Variants in PPM1L observed in about 807,000 individuals in gnomAD.
PPM1L encodes the protein protein phosphatase 1L.
A neutral mutation model predicts 31.4 loss-of-function variants in PPM1L; 13 were observed. The observed-to-expected ratio is 0.41, with a 90% CI of 0.27 to 0.66. The LOEUF (loss-of-function observed/expected upper bound fraction) is 0.66. Among genes scored for constraint, PPM1L ranks in the 30% least tolerant of loss-of-function variants. The pLI is 0.29. For missense variants in PPM1L, 326 were observed against 453.7 expected (o/e 0.72, Z 2.56); for synonymous variants, 184 against 175.4 (o/e 1.05, Z -0.39).
chr3:161,054,490 T>G (rs1207730309), intron 2 of PPM1L, among the ~76,000 whole-genome samples: 1 of 152,072 alleles, frequency 6.6e-6, no homozygotes, highest in Non-Finnish European at 1.5e-5. Context: ...CACACTGTGG[T>G]CATTGTCGAT....
intron 2 of PPM1L, among the ~76,000 whole-genome samples, chr3:160,996,190 G>A (rs1717317020): frequency 6.6e-6 from 1 of 152,154 alleles, no homozygotes; most frequent in Non-Finnish European, 1.5e-5. Context: ...CACTGCTGGT[G>A]GGAATGTAAA....
At chr3:161,013,947 G>A (rs1717983558) in intron 2 of PPM1L, among the ~76,000 whole-genome samples, 1 of 152,144 alleles carries the variant, frequency 6.6e-6, no homozygotes, top group African/African-American at 2.4e-5. Context: ...CCTGAATATG[G>A]CACACTGATG....
rs1379412867 is a variant in PPM1L, at chr3:161,069,375, A to G, written c.*218A>G. The G allele has an allele frequency of 1.8e-6, 1 of 561,006 alleles. No homozygotes were observed. The allele number at this position is 561,006 out of a possible 1,614,324, so 34.8% of individuals were successfully genotyped here. A position where few individuals can be genotyped will look rare whatever the true frequency, so the allele number is the denominator to read the frequency against. On this transcript the variant is annotated 3_prime_UTR_variant, in exon 4 of 4. Transcript: ENST00000498165. ...GAAAATGGTTTCTTCATGTTTTCCC[A>G]ACTCTTTCATCCAGTGTCCAAAATA...
At chr3:160,850,352 G>A (rs983380406) in intron 1 of PPM1L, among the ~76,000 whole-genome samples, 3 of 152,154 alleles carry the variant, frequency 2.0e-5, no homozygotes, top group Admixed American at 2.0e-4. Context: ...AAGTCTTACT[G>A]GGATGCACTA....
At chr3:160,881,975 C>A (rs563590488) in intron 1 of PPM1L, among the ~76,000 whole-genome samples, 1 of 151,082 alleles carries the variant, frequency 6.6e-6, no homozygotes, top group Non-Finnish European at 1.5e-5. Context: ...GGTGTGAACT[C>A]GGGAAGCGGA....
At chr3:160,823,868 A>G (rs1713277556) in intron 1 of PPM1L, among the ~76,000 whole-genome samples, 1 of 152,274 alleles carries the variant, frequency 6.6e-6, no homozygotes, top group Admixed American at 6.5e-5. Context: ...GCCCTTGACA[A>G]GAATGCTGTT....
intron 2 of PPM1L, among the ~76,000 whole-genome samples, chr3:161,004,803 A>G (rs1210524362): frequency 6.6e-6 from 1 of 151,708 alleles, no homozygotes; most frequent in Non-Finnish European, 1.5e-5. Flanking sequence ...TCCTGGATTC[A>G]TTAATTTTTT....
intron 1 of PPM1L, among the ~76,000 whole-genome samples, chr3:160,779,073 A>T (rs1387909300): frequency 1.4e-5 from 2 of 146,458 alleles, no homozygotes; most frequent in African/African-American, 5.2e-5. Context: ...GTTTCCTGTT[A>T]TTACATTTTT....
At chr3:160,902,640 C>T (rs1439315129) in intron 1 of PPM1L, among the ~76,000 whole-genome samples, 1 of 152,142 alleles carries the variant, frequency 6.6e-6, no homozygotes, top group African/African-American at 2.4e-5. Context: ...CAAAACAAGG[C>T]CAGTGTTTTT....
intron 1 of PPM1L, among the ~76,000 whole-genome samples, chr3:160,810,642 C>T (rs892996989): frequency 2.0e-5 from 3 of 152,188 alleles, no homozygotes. Flanking sequence ...GTCAGCCAGC[C>T]AACTGACAGG....
intron 2 of PPM1L, among the ~76,000 whole-genome samples, chr3:160,970,793 T>TTTTTTC (rs1716308980): frequency 7.4e-6 from 1 of 134,560 alleles, no homozygotes. Flanking sequence ...TATAATTTTT[T>TTTTTTC]TTTTTTTTTT....
At chr3:160,862,806 A>ATGCTCTTTACTCTCTGCT in intron 1 of PPM1L, among the ~76,000 whole-genome samples, 1 of 152,284 alleles carries the variant, frequency 6.6e-6, no homozygotes, top group East Asian at 1.9e-4. Context: ...GGGGGAAAAA[A>ATGCTCTTTACTCTCTGCT]GCTTTAATAA....
intron 2 of PPM1L, among the ~76,000 whole-genome samples, chr3:161,006,203 A>G (rs1052382500): frequency 6.6e-6 from 1 of 152,234 alleles, no homozygotes; most frequent in Admixed American, 6.5e-5. Context: ...AAATGCTGCA[A>G]CATGGATAAA....
intron 2 of PPM1L, among the ~76,000 whole-genome samples, chr3:161,006,825 G>A (rs2108058630): frequency 6.6e-6 from 1 of 151,622 alleles, no homozygotes; most frequent in African/African-American, 2.4e-5. Flanking sequence ...TGGGACCACA[G>A]GCACCCGCCA....
At chr3:160,999,295 GCAGA>G (rs1717412328) in intron 2 of PPM1L, among the ~76,000 whole-genome samples, 1 of 152,146 alleles carries the variant, frequency 6.6e-6, no homozygotes, top group Non-Finnish European at 1.5e-5. Context: ...GGTTTCTACT[GCAGA>G]CAGTCTGATC....
intron 1 of PPM1L, among the ~76,000 whole-genome samples, chr3:160,848,607 G>A (rs1403408535): frequency 2.0e-5 from 3 of 152,120 alleles, no homozygotes; most frequent in South Asian, 2.1e-4. Context: ...TTGCACTGGG[G>A]CATCTCCCTC....
chr3:160,843,724 G>A (rs1030141501), intron 1 of PPM1L, among the ~76,000 whole-genome samples: 8 of 151,492 alleles, frequency 5.3e-5, no homozygotes, highest in African/African-American at 1.9e-4. Flanking sequence ...ACAGTGTGGC[G>A]ATTCCTCAGG....
At chr3:160,984,123 C>T (rs956906816) in intron 2 of PPM1L, among the ~76,000 whole-genome samples, 1 of 152,164 alleles carries the variant, frequency 6.6e-6, no homozygotes, top group Admixed American at 6.5e-5. Flanking sequence ...CTGGAATTTC[C>T]TAATCCTAGC....
intron 1 of PPM1L, among the ~76,000 whole-genome samples, chr3:160,958,579 A>G (rs1230527649): frequency 6.6e-6 from 1 of 152,176 alleles, no homozygotes; most frequent in African/African-American, 2.4e-5. Context: ...AGTGTCAGGG[A>G]AAAAATGTTA....
Sources: gnomAD v4.1 joint callset for allele counts (sites outside exome capture counted in the v4.1 genomes callset) on GRCh38, gnomAD v4.1.1 for gene constraint, MANE v1.5 for transcripts, NCBI Gene and HGNC (gene_info 2026-07-23, HGNC 2026-07-21) for gene names.